Variants in TENT5C observed in about 807,000 individuals in gnomAD.
TENT5C encodes terminal nucleotidyltransferase 5C.
Under a neutral mutation model 22.2 loss-of-function variants are expected in TENT5C, and 5 were observed. That is an observed-to-expected ratio of 0.22 (90% CI 0.12 to 0.47). The LOEUF (loss-of-function observed/expected upper bound fraction) is 0.47. Ranked by LOEUF, TENT5C falls within the 20% of genes least tolerant of loss-of-function variation. The probability of loss-of-function intolerance (pLI) is 0.99; values close to 1 mark genes in which losing one functional copy is unlikely to be tolerated. For missense variants in TENT5C, 364 were observed against 500.9 expected, an observed-to-expected ratio of 0.73 and a Z score of 2.61; for synonymous variants, 199 against 195.4, an observed-to-expected ratio of 1.02 and a Z score of -0.15.
chr1:117,607,186 C>A (rs562307658), intron 1 of TENT5C, among the ~76,000 whole-genome samples: 4 of 152,244 alleles, frequency 2.6e-5, no homozygotes, highest in Non-Finnish European at 4.4e-5. Context: ...TAAGGGCGCT[C>A]CCCTGGAGAA....
intron 1 of TENT5C, among the ~76,000 whole-genome samples, chr1:117,616,331 T>A (rs1657818): frequency 0.079 from 11,965 of 151,754 alleles, 514 homozygotes; most frequent in African/African-American, 0.11. Flanking sequence ...GGACTTGGAG[T>A]CGTGGTTGTC....
At chr1:117,614,449 G>T (rs142237671) in intron 1 of TENT5C, among the ~76,000 whole-genome samples, 1 of 152,196 alleles carries the variant, frequency 6.6e-6, no homozygotes, top group Non-Finnish European at 1.5e-5. Context: ...ACGGTGTCCA[G>T]TCTCAGGTTC....
Position 117,623,873 on chromosome 1 carries a change from C to T in TENT5C, c.1005C>T (p.Leu335=), listed in dbSNP as rs766020745. 2.5e-6 allele frequency: 4 copies of T among 1,614,190 alleles called. No homozygotes were observed. Among genetic ancestry groups the T allele is most frequent in the East Asian group, 2.2e-5 (1 of 44,884 alleles). Residue 335 remains leucine, a synonymous_variant, in exon 2 of 2, where the codon CTC becomes CTT. Coordinates refer to ENST00000369448, the MANE Select transcript of TENT5C (RefSeq NM_017709.4). ...GGCAGACTCTGAACCTCATCTCCCTCCTGGCCTTGCGTGTGCTGGCGGAAC... is the reference window on the plus strand; with the variant it reads ...GGCAGACTCTGAACCTCATCTCCCTTCTGGCCTTGCGTGTGCTGGCGGAAC... ...ERRQTLNLIS[L]LALRVLAEQN... is the part of the protein sequence containing the mutation.
rs1178960838 is a variant in TENT5C, at chr1:117,625,440, T to C, written c.*1396T>C. The C allele has an allele frequency of 8.1e-6, 2 of 248,078 alleles. No individual in the cohort carries two copies. The highest frequency in any genetic ancestry group is 1.7e-5 in the Non-Finnish European group (2 of 118,148). The allele number at this position is 248,078 out of a possible 1,614,324, so 15.4% of individuals were successfully genotyped here. ...AATCTGTAGTTGAAAGAAAGCTTAG[T>C]AGATGAGAGAGTTCTAGGCTACTGT... On this transcript the variant is annotated 3_prime_UTR_variant, in exon 2 of 2. Coordinates refer to ENST00000369448, the MANE Select transcript of TENT5C (RefSeq NM_017709.4).
Position 117,627,017 on chromosome 1 carries a change from C to T in TENT5C, c.*2973C>T, listed in dbSNP as rs1024795483. Reference sequence around the variant, plus strand: ...TGGCAGTAACACATTATTCCTCATTCAATAATTTCAATGCTGAAACTGAAC... The same window carrying T: ...TGGCAGTAACACATTATTCCTCATTTAATAATTTCAATGCTGAAACTGAAC... On this transcript the variant is annotated 3_prime_UTR_variant, in exon 2 of 2. Coordinates refer to ENST00000369448, the MANE Select transcript of TENT5C (RefSeq NM_017709.4). The T allele has an allele frequency of 2.0e-5, 5 of 248,010 alleles. No homozygotes were observed. Among genetic ancestry groups the T allele is most frequent in the Admixed American group, 5.6e-5 (1 of 17,780 alleles). 15.4% of individuals were successfully genotyped at this position (248,010 alleles called of 1,614,324 possible).
Position 117,626,903 on chromosome 1 carries a change from G to T in TENT5C, c.*2859G>T, listed in dbSNP as rs377050301. 4.8e-4 allele frequency: 118 copies of T among 248,202 alleles called. 1 individual carries two copies. In the South Asian group the frequency reaches 7.6e-3, roughly 16 times the overall value. 15.4% of individuals were successfully genotyped at this position (248,202 alleles called of 1,614,324 possible). ...GAGTCAGGTTGAGCATCAGTGAGAT[G>T]AAGACAGTACCTTTTCCTCTCACAT... is the stretch of plus-strand genomic sequence containing the variant. On this transcript the variant is annotated 3_prime_UTR_variant, in exon 2 of 2. Coordinates refer to ENST00000369448, the MANE Select transcript of TENT5C (RefSeq NM_017709.4).
At chr1:117,608,079 TAAA>T (rs35986908) in intron 1 of TENT5C, among the ~76,000 whole-genome samples, 1 of 141,210 alleles carries the variant, frequency 7.1e-6, no homozygotes. Flanking sequence ...TAACAAAGTT[TAAA>T]AAAAAAAAAA....
intron 1 of TENT5C, among the ~76,000 whole-genome samples, chr1:117,618,300 G>A (rs1653827933): frequency 1.3e-5 from 2 of 151,626 alleles, no homozygotes; most frequent in African/African-American, 4.9e-5. Flanking sequence ...TTTGAAATGA[G>A]AAATAGCAAT....
At chr1:117,621,215 T>C (rs1026127120) in intron 1 of TENT5C, among the ~76,000 whole-genome samples, 1 of 152,118 alleles carries the variant, frequency 6.6e-6, no homozygotes, top group African/African-American at 2.4e-5. Context: ...CATCCCCAGA[T>C]TGGTCCTGCA....
chr1:117,622,961 A>G lies in TENT5C; in HGVS notation c.93A>G (p.Glu31=), dbSNP rs1348333308. ...QVSRLHEVLT[E]VVPIHGRGNF... ...GCCGGCTGCATGAGGTCCTCACTGAAGTTGTACCTATCCACGGACGAGGCA... is the reference window on the plus strand; with the variant it reads ...GCCGGCTGCATGAGGTCCTCACTGAGGTTGTACCTATCCACGGACGAGGCA... Residue 31 remains glutamate, a synonymous_variant, in exon 2 of 2, where the codon GAA becomes GAG. Coordinates refer to ENST00000369448, the MANE Select transcript of TENT5C (RefSeq NM_017709.4). The G allele has an allele frequency of 6.8e-6, 11 of 1,614,080 alleles. No homozygotes were observed. Among genetic ancestry groups the G allele is most frequent in the Non-Finnish European group, 8.5e-6 (10 of 1,180,034 alleles).
At chr1:117,617,724 G>A (rs531946867) in intron 1 of TENT5C, among the ~76,000 whole-genome samples, 64 of 152,232 alleles carry the variant, frequency 4.2e-4, no homozygotes, top group Admixed American at 9.8e-4. Flanking sequence ...TGTGTTCCAC[G>A]TGATTCTTTT....
At chr1:117,614,313 C>T (rs546402306) in intron 1 of TENT5C, among the ~76,000 whole-genome samples, 1 of 152,300 alleles carries the variant, frequency 6.6e-6, no homozygotes, top group Admixed American at 6.5e-5. Flanking sequence ...CTCGTTTCTG[C>T]CCGGTTATCT....
chr1:117,618,665 G>A (rs1188066721), intron 1 of TENT5C, among the ~76,000 whole-genome samples: 1 of 152,116 alleles, frequency 6.6e-6, no homozygotes, highest in Non-Finnish European at 1.5e-5. Context: ...AGGCTCCTAA[G>A]GGAGAAGCTT....
intron 1 of TENT5C, among the ~76,000 whole-genome samples, chr1:117,609,267 G>A (rs142721460): frequency 2.0e-5 from 3 of 152,298 alleles, no homozygotes; most frequent in South Asian, 2.1e-4. Flanking sequence ...TTTAGAGGAA[G>A]CATCTTTATA....
rs3050944 is a variant in TENT5C at position 117,622,316 on chromosome 1, CGTGTGTGTGTGTGT to C, written c.-27-503_-27-490del. ...CATCTACTTGTGGAGTGAAGGAAGT[CGTGTGTGTGTGTGT>C]GTGTGTGTGTGTGTGTGTGTGTCTG... On this transcript the variant is annotated intron_variant, in intron 1 of 1. Coordinates refer to ENST00000369448, the MANE Select transcript of TENT5C (RefSeq NM_017709.4). 3.0e-3 allele frequency among the ~76,000 whole-genome samples: 448 copies of C among 149,530 alleles called. 5 individuals are homozygous for C. Among genetic ancestry groups the C allele is most frequent in the African/African-American group, 9.0e-3 (363 of 40,446 alleles).
At position 117,623,494 on chromosome 1, in the gene TENT5C, C is replaced by T; in HGVS notation, c.626C>T (p.Thr209Ile). 6.2e-7 allele frequency: 1 copy of T among 1,614,096 alleles called. No homozygotes were observed. Among genetic ancestry groups the T allele is most frequent in the Non-Finnish European group, 8.5e-7 (1 of 1,180,012 alleles). ...CCCATCTCTGAGCACTTCCACCCCACCGTGATTGGGGAGAGCATGTACGGG... is the reference window on the plus strand; with the variant it reads ...CCCATCTCTGAGCACTTCCACCCCATCGTGATTGGGGAGAGCATGTACGGG... ...NNPISEHFHP[T>I]VIGESMYGDF... The change falls in exon 2 of 2, where the codon ACC (threonine) becomes ATC (isoleucine). Residue 209 changes from threonine (T) to isoleucine (I), a missense_variant. Physicochemically the swap from Thr to Ile is moderately conservative, Grantham distance 89 (BLOSUM62 -1). Transcript: ENST00000369448.
chr1:117,612,557 A>G (rs372000021), intron 1 of TENT5C, among the ~76,000 whole-genome samples: 1 of 152,226 alleles, frequency 6.6e-6, no homozygotes, highest in African/African-American at 2.4e-5. Context: ...GTGACAGCAC[A>G]TTAATTACTT....
intron 1 of TENT5C, among the ~76,000 whole-genome samples, chr1:117,616,807 G>C (rs1220878322): frequency 6.6e-6 from 1 of 152,250 alleles, no homozygotes; most frequent in Non-Finnish European, 1.5e-5. Context: ...CCTCTGGACT[G>C]CTGAAAGCCC....
intron 1 of TENT5C, among the ~76,000 whole-genome samples, 167 bp from the exon 2 acceptor site, chr1:117,622,674 GT>G (rs1009543521): frequency 4.4e-4 from 67 of 152,300 alleles, no homozygotes; most frequent in African/African-American, 1.6e-3. Flanking sequence ...CAGTGTCACT[GT>G]TTTTTACATA....
Sources: allele counts gnomAD v4.1 joint callset (sites outside exome capture counted in the v4.1 genomes callset), GRCh38; gene constraint gnomAD v4.1.1; transcripts MANE v1.5; gene names NCBI Gene and HGNC (gene_info 2026-07-23, HGNC 2026-07-21).